Variants in SFMBT1 observed in about 807,000 individuals in gnomAD.
SFMBT1 encodes scm-like with four MBT domains protein 1.
Under a neutral mutation model 108.7 loss-of-function variants are expected in SFMBT1, and 32 were observed. The ratio of observed to expected loss-of-function variants is 0.29; its 90% CI spans 0.22 to 0.40. SFMBT1 has a LOEUF of 0.40. Ranked by LOEUF, SFMBT1 falls within the 10% of genes least tolerant of loss-of-function variation. The pLI is 1.00. For synonymous variants in SFMBT1, 348 were observed against 369.5 expected (o/e 0.94, Z 0.67); for missense variants, 816 against 1,059.6 (o/e 0.77, Z 3.19).
chr3:52,937,992 T>C (rs1703068244), intron 4 of SFMBT1, among the ~76,000 whole-genome samples: 3 of 152,178 alleles, frequency 2.0e-5, no homozygotes, highest in Non-Finnish European at 4.4e-5. Flanking sequence ...CTTTTTTTCA[T>C]ACAATAACAT....
At chr3:52,968,888 C>T (rs1418422488) in intron 2 of SFMBT1, among the ~76,000 whole-genome samples, 1 of 152,098 alleles carries the variant, frequency 6.6e-6, no homozygotes, top group South Asian at 2.1e-4. Flanking sequence ...CCACCGCGCC[C>T]GGCCTTGTTC....
intron 1 of SFMBT1, among the ~76,000 whole-genome samples, chr3:52,991,876 T>C (rs1384187651): frequency 6.6e-6 from 1 of 152,178 alleles, no homozygotes; most frequent in Non-Finnish European, 1.5e-5. Context: ...TCCAGAATAG[T>C]GAGAAAATAA....
At chr3:52,944,004 T>C (rs530616841) in intron 3 of SFMBT1, among the ~76,000 whole-genome samples, 1 of 152,314 alleles carries the variant, frequency 6.6e-6, no homozygotes, top group East Asian at 1.9e-4. Flanking sequence ...TAGTACAATA[T>C]GTACCATATA....
chr3:52,907,095 C>G lies in SFMBT1; in HGVS notation c.2305G>C (p.Asp769His), dbSNP rs147669594. The G allele has an allele frequency of 6.2e-7, 1 of 1,612,638 alleles. No homozygotes were observed. The highest frequency in any genetic ancestry group is 8.5e-7 in the Non-Finnish European group (1 of 1,179,592). Residue 769 changes from aspartate (D) to histidine (H), a missense_variant, in exon 19 of 21, where the codon GAT (aspartate) becomes CAT (histidine). This residue lies in a region of SFMBT1 where 177 missense variants were observed against 182.0 expected (regional missense o/e 0.97). Transcript: ENST00000394752. ...TTTGGTGAAGGAGGTTTATTTTCAT[C>G]GTCAGAAAATGAAAAGGTGCGAAGC... ...RELRTFSFSD[D>H]ENKPPSPKEI...
chr3:52,936,734 C>T (rs1703019020), intron 4 of SFMBT1, among the ~76,000 whole-genome samples: 1 of 152,090 alleles, frequency 6.6e-6, no homozygotes. Flanking sequence ...TAGTGTTTCT[C>T]GGCCTTTTCA....
chr3:52,998,846 C>T (rs1433499949), intron 1 of SFMBT1, among the ~76,000 whole-genome samples: 1 of 150,716 alleles, frequency 6.6e-6, no homozygotes, highest in African/African-American at 2.4e-5. Flanking sequence ...CTGCAAGGGC[C>T]TGCGGGGTGA....
intron 17 of SFMBT1, among the ~76,000 whole-genome samples, chr3:52,909,521 G>C (rs1702167308): frequency 6.6e-6 from 1 of 152,160 alleles, no homozygotes; most frequent in African/African-American, 2.4e-5. Flanking sequence ...AGCATCAGTG[G>C]CATCTGGGAA....
At chr3:53,012,552 G>A (rs1325795342) in intron 1 of SFMBT1, among the ~76,000 whole-genome samples, 1 of 151,926 alleles carries the variant, frequency 6.6e-6, no homozygotes, top group African/African-American at 2.4e-5. Flanking sequence ...ACAGGCGCCC[G>A]CCACCACGCC....
rs1704165343 is a variant in SFMBT1 at position 52,966,763 on chromosome 3, T to G, written c.28+2338A>C. Among the ~76,000 whole-genome samples the G allele has an allele frequency of 2.0e-5, 3 of 151,714 alleles. No individual in the cohort carries two copies. The South Asian group carries it at 6.2e-4, about 31-fold the overall frequency. On this transcript the variant is annotated intron_variant, in intron 2 of 20. Transcript: ENST00000394752. ...AAAATACTGAAAAATATAATAAATT[T>G]TCCTTCTCTCAAGTGTTCTAAATTA... is the stretch of plus-strand genomic sequence containing the variant.
intron 3 of SFMBT1, among the ~76,000 whole-genome samples, chr3:52,946,309 C>T (rs1287863063): frequency 2.6e-5 from 4 of 152,260 alleles, no homozygotes; most frequent in Non-Finnish European, 5.9e-5. Flanking sequence ...TGGAGACAGC[C>T]AGAGAGGGAA....
At chr3:52,978,953 G>T (rs1231476175) in intron 1 of SFMBT1, among the ~76,000 whole-genome samples, 2 of 152,156 alleles carry the variant, frequency 1.3e-5, no homozygotes, top group East Asian at 3.8e-4. Flanking sequence ...GGCTGGTAGA[G>T]AAAAGGTAAT....
intron 1 of SFMBT1, among the ~76,000 whole-genome samples, chr3:53,039,892 T>C (rs1291895140): frequency 6.6e-6 from 1 of 152,228 alleles, no homozygotes; most frequent in African/African-American, 2.4e-5. Context: ...ACATTTTTAA[T>C]AATAAAAATT....
chr3:52,958,451 C>T (rs977035555), intron 2 of SFMBT1, among the ~76,000 whole-genome samples: 4 of 152,078 alleles, frequency 2.6e-5, no homozygotes, highest in Non-Finnish European at 5.9e-5. Context: ...ATTAGCCAGG[C>T]GTGGTGGCGT....
intron 2 of SFMBT1, among the ~76,000 whole-genome samples, chr3:52,965,556 A>T (rs1276383416): frequency 6.6e-6 from 1 of 152,190 alleles, no homozygotes; most frequent in East Asian, 1.9e-4. Context: ...GGCCAGAAAG[A>T]AGTAGCACAA....
chr3:52,915,419 G>T (rs1030005961), intron 14 of SFMBT1, among the ~76,000 whole-genome samples: 5 of 152,210 alleles, frequency 3.3e-5, no homozygotes, highest in Admixed American at 2.6e-4. Flanking sequence ...AAGGCAGTAG[G>T]TACAAGAGAC....
At chr3:52,915,486 T>G (rs1240258516) in intron 14 of SFMBT1, among the ~76,000 whole-genome samples, 1 of 152,252 alleles carries the variant, frequency 6.6e-6, no homozygotes. Context: ...GTCTTTCTAC[T>G]CATAAGCTGT....
chr3:52,911,255 C>A, intron 16 of SFMBT1, 77 bp from the exon 17 acceptor site: 2 of 1,413,114 alleles, frequency 1.4e-6, no homozygotes, highest in Non-Finnish European at 9.6e-7. Context: ...TATTAATACA[C>A]CTAAAAAATA....
chr3:52,934,764 A>G, intron 5 of SFMBT1, 49 bp downstream of exon 5: 8 of 1,470,636 alleles, frequency 5.4e-6, no homozygotes, highest in Non-Finnish European at 6.6e-6. Flanking sequence ...AGATTCTTTG[A>G]AAGATCAGAT....
chr3:52,999,095 C>A lies in SFMBT1; in HGVS notation c.-130-29837G>T, dbSNP rs187510350. On this transcript the variant is annotated intron_variant, in intron 1 of 20. Transcript: ENST00000394752. The stretch of plus-strand genomic sequence containing the variant: ...ACATGCTCTTCACCCAAGGCCTGCG[C>A]CGGCGTCTGCTGATCAAGGGCCCAG... 4.2e-4 allele frequency among the ~76,000 whole-genome samples: 64 copies of A among 150,944 alleles called. 3 individuals carry two copies. The highest frequency in any genetic ancestry group is 3.4e-3 in the Middle Eastern group (1 of 292).
Sources: gnomAD v4.1 joint callset for allele counts (sites outside exome capture counted in the v4.1 genomes callset) on GRCh38, gnomAD v4.1.1 for gene constraint, gnomAD v4.1.1 regional missense constraint, MANE v1.5 for transcripts, NCBI Gene and HGNC (gene_info 2026-07-23, HGNC 2026-07-21) for gene names.